Variants in PARP4 observed in about 807,000 individuals in gnomAD.
PARP4 encodes poly(ADP-ribose) polymerase family member 4, also known as protein mono-ADP-ribosyltransferase PARP4.
A neutral mutation model predicts 187.7 loss-of-function variants in PARP4; 120 were observed. That is an observed-to-expected ratio of 0.64 (90% CI 0.55 to 0.74). PARP4 has a LOEUF of 0.74. PARP4 is among the 30% of genes least tolerant of loss of function. The pLI, the probability that PARP4 is intolerant of heterozygous loss-of-function variation, is 0.00. For synonymous variants in PARP4, 654 were observed against 740.9 expected, an observed-to-expected ratio of 0.88 and a Z score of 1.90; for missense variants, 1,836 against 2,070.5, an observed-to-expected ratio of 0.89 and a Z score of 2.20.
chr13:24,475,433 C>T (rs747169391), intron 15 of PARP4, 39 bp downstream of exon 15: 6 of 1,567,018 alleles, frequency 3.8e-6, no homozygotes, highest in South Asian at 2.2e-5. Context: ...TGGTTTACAT[C>T]CATGTAGTTT....
At chr13:24,441,044 G>T (rs1391587124) in intron 30 of PARP4, among the ~76,000 whole-genome samples, 1 of 152,036 alleles carries the variant, frequency 6.6e-6, no homozygotes, top group Non-Finnish European at 1.5e-5. Context: ...GCTAATTTTT[G>T]TATTTTTTTG....
chr13:24,426,606 GA>G lies in PARP4; in HGVS notation c.4847-9del, dbSNP rs765468333. The G allele has an allele frequency of 2.6e-5, 41 of 1,604,572 alleles. No individual in the cohort carries two copies. Among genetic ancestry groups the G allele is most frequent in the Middle Eastern group, 2.0e-4 (1 of 5,062 alleles). On this transcript the variant is annotated splice_polypyrimidine_tract_variant and intron_variant, in intron 32 of 33. Transcript: ENST00000381989. ...ATTCTCTTCCTTTTACACCTAAAAG[GA>G]AAAAAACTCCGTTAAGTCTGTTGGA...
chr13:24,428,744 A>G (rs1870183550), intron 32 of PARP4, among the ~76,000 whole-genome samples: 1 of 152,212 alleles, frequency 6.6e-6, no homozygotes, highest in African/African-American at 2.4e-5. Context: ...AAGTGCAGGC[A>G]TTACTGGTGT....
At chr13:24,452,673 G>A in intron 23 of PARP4, 80 bp from the exon 24 acceptor site, 3 of 1,124,358 alleles carry the variant, frequency 2.7e-6, no homozygotes, top group Non-Finnish European at 3.9e-6. Context: ...CACATCTAAG[G>A]ACAGTGTAGG....
intron 10 of PARP4, among the ~76,000 whole-genome samples, chr13:24,488,995 C>T (rs796070755): frequency 0.025 from 3,206 of 126,694 alleles, no homozygotes; most frequent in African/African-American, 0.058. Flanking sequence ...TTTTCATGGC[C>T]GAATAATATT....
intron 17 of PARP4, among the ~76,000 whole-genome samples, chr13:24,467,738 T>TAATACCTTCTGTGAAGGC (rs1872542718): frequency 6.6e-6 from 1 of 152,200 alleles, no homozygotes; most frequent in Non-Finnish European, 1.5e-5. Flanking sequence ...TACCCATAGG[T>TAATACCTTCTGTGAAGGC]AATACCTTCT....
intron 11 of PARP4, among the ~76,000 whole-genome samples, chr13:24,484,973 T>C (rs1403070246): frequency 2.0e-5 from 3 of 152,240 alleles, no homozygotes; most frequent in Non-Finnish European, 4.4e-5. Flanking sequence ...TTTTGTAAAA[T>C]AGCTTTTGGG....
intron 22 of PARP4, among the ~76,000 whole-genome samples, chr13:24,454,471 C>T (rs902788208): frequency 1.8e-4 from 28 of 152,172 alleles, no homozygotes; most frequent in South Asian, 2.1e-4. Context: ...GTGGCTGAGA[C>T]GTCCCTGGGC....
chr13:24,429,165 T>C (rs912043093), intron 32 of PARP4, among the ~76,000 whole-genome samples: 2 of 152,250 alleles, frequency 1.3e-5, no homozygotes, highest in African/African-American at 4.8e-5. Context: ...TCTAGGATTT[T>C]AATTTGGTTT....
At chr13:24,456,831 T>TA (rs895830330) in intron 20 of PARP4, among the ~76,000 whole-genome samples, 2 of 151,636 alleles carry the variant, frequency 1.3e-5, no homozygotes, top group African/African-American at 2.4e-5. Flanking sequence ...ACCCAGGAGG[T>TA]AAAGGTTGCA....
intron 24 of PARP4, among the ~76,000 whole-genome samples, chr13:24,451,682 G>A (rs1318491333): frequency 6.6e-6 from 1 of 152,156 alleles, no homozygotes; most frequent in African/African-American, 2.4e-5. Flanking sequence ...GTGGCCACAG[G>A]TAGGAGTCCA....
chr13:24,460,106 G>T lies in PARP4; in HGVS notation c.2164C>A (p.Pro722Thr), dbSNP rs1872132664. 8 of 1,613,342 alleles carry T rather than the reference G, an allele frequency of 5.0e-6. No individual in the cohort carries two copies. Among genetic ancestry groups the T allele is most frequent in the Non-Finnish European group, 6.8e-6 (8 of 1,179,674 alleles). Reference sequence around the variant, plus strand: ...TTTATAAGAACCTTAGCCTTAGGGGGTAAGTTTCCAACACTTACAGTAAAA... The same window carrying T: ...TTTATAAGAACCTTAGCCTTAGGGGTTAAGTTTCCAACACTTACAGTAAAA... Reference protein sequence around the residue: ...DVFTVSVGNLPPKAKVLIKIT... With the variant: ...DVFTVSVGNLTPKAKVLIKIT... Residue 722 changes from proline (P) to threonine (T), a missense_variant, in exon 18 of 34, where the codon CCC (proline) becomes ACC (threonine). By Grantham distance (38) the Pro-to-Thr change is conservative. Coordinates refer to ENST00000381989, the MANE Select transcript of PARP4 (RefSeq NM_006437.4).
Position 24,490,690 on chromosome 13 carries a change from CT to C in PARP4, c.1191del (p.Glu398ArgfsTer23). On this transcript the variant is annotated frameshift_variant, in exon 10 of 34. Transcript: ENST00000381989. LOFTEE classifies it high-confidence loss of function. ...QNTEEFLRVR[K>X]EVLQNHHSKS... Reference sequence around the variant, plus strand: ...TACCTGTGATGATTCTGCAAAACCTCTTTTCTAACCCTGAGAAATTCTTCAG... The same window carrying C: ...TACCTGTGATGATTCTGCAAAACCTCTTTCTAACCCTGAGAAATTCTTCAG... 1 of 1,613,788 alleles carries C rather than the reference CT, an allele frequency of 6.2e-7. No individual in the cohort carries two copies. Among genetic ancestry groups the C allele is most frequent in the Non-Finnish European group, 8.5e-7 (1 of 1,179,852 alleles).
intron 10 of PARP4, among the ~76,000 whole-genome samples, chr13:24,486,924 T>C (rs1431864231): frequency 6.6e-6 from 1 of 150,794 alleles, no homozygotes; most frequent in African/African-American, 2.4e-5. Flanking sequence ...ATCGCGCCAC[T>C]GCACTCCAGA....
intron 7 of PARP4, 82 bp downstream of exon 7, chr13:24,494,491 C>A: frequency 7.8e-7 from 1 of 1,286,114 alleles, no homozygotes; most frequent in South Asian, 1.3e-5. Flanking sequence ...CGAAGCCTGG[C>A]CCAGTCTTTT....
chr13:24,475,791 CT>C (rs34628702), intron 14 of PARP4, among the ~76,000 whole-genome samples, 195 bp from the exon 15 acceptor site: 48 of 148,046 alleles, frequency 3.2e-4, no homozygotes, highest in African/African-American at 2.7e-4. Context: ...TGCCTTCTGC[CT>C]TTTTTTTTTT....
intron 17 of PARP4, 26 bp downstream of exon 17, chr13:24,468,998 C>G (rs1458440999): frequency 1.4e-6 from 2 of 1,460,700 alleles, no homozygotes; most frequent in South Asian, 2.3e-5. Context: ...CTCCTGTATG[C>G]ATGCGGCATG....
intron 32 of PARP4, among the ~76,000 whole-genome samples, chr13:24,428,458 C>G (rs1870171630): frequency 6.6e-6 from 1 of 152,178 alleles, no homozygotes; most frequent in Non-Finnish European, 1.5e-5. Flanking sequence ...ATTCTGACCT[C>G]TTCCATGAGC....
chr13:24,435,683 G>A (rs1207634049), intron 30 of PARP4, among the ~76,000 whole-genome samples: 2 of 152,178 alleles, frequency 1.3e-5, no homozygotes, highest in Admixed American at 1.3e-4. Flanking sequence ...TTGGGAGGCC[G>A]AGGAGGAAGG....
Sources: gnomAD v4.1 joint callset for allele counts (sites outside exome capture counted in the v4.1 genomes callset) on GRCh38, gnomAD v4.1.1 for gene constraint, MANE v1.5 for transcripts, NCBI Gene and HGNC (gene_info 2026-07-23, HGNC 2026-07-21) for gene names.